Variants in CACNA1C observed in about 807,000 individuals in gnomAD.
The protein encoded by CACNA1C is voltage-dependent L-type calcium channel subunit alpha-1C.
In CACNA1C, 30 loss-of-function variants were observed where a neutral mutation model predicts 229.0. That is an observed-to-expected ratio of 0.13 (90% CI 0.10 to 0.18). CACNA1C has a LOEUF of 0.18. CACNA1C is among the 10% of genes least tolerant of loss of function. The probability of loss-of-function intolerance (pLI) is 1.00; values close to 1 mark genes in which losing one functional copy is unlikely to be tolerated. For synonymous variants in CACNA1C, 1,114 were observed against 1,132.5 expected (o/e 0.98, Z 0.33); for missense variants, 1,658 against 2,845.0 (o/e 0.58, Z 9.49).
chr12:2,305,062 T>C (rs2094905762), intron 3 of CACNA1C, among the ~76,000 whole-genome samples: 1 of 152,190 alleles, frequency 6.6e-6, no homozygotes, highest in African/African-American at 2.4e-5. Context: ...CTGGGAGGAC[T>C]GCTGGGCAGA....
intron 7 of CACNA1C, among the ~76,000 whole-genome samples, chr12:2,498,045 C>T (rs1291313491): frequency 6.6e-6 from 1 of 151,786 alleles, no homozygotes; most frequent in Non-Finnish European, 1.5e-5. Context: ...TGAAATATCC[C>T]TCGTTTATGA....
intron 1 of CACNA1C, chr12:2,004,277 C>T: frequency 6.2e-7 from 1 of 1,613,018 alleles, no homozygotes; most frequent in Non-Finnish European, 8.5e-7. Flanking sequence ...CGCGTCCGCA[C>T]GCACCCACTC....
chr12:2,456,585 C>G (rs1189956266), intron 4 of CACNA1C, among the ~76,000 whole-genome samples: 2 of 152,214 alleles, frequency 1.3e-5, no homozygotes, highest in African/African-American at 4.8e-5. Flanking sequence ...CCTTGGGCCC[C>G]TGGCTTACCT....
intron 3 of CACNA1C, among the ~76,000 whole-genome samples, chr12:2,211,854 G>A (rs1194903028): frequency 1.3e-5 from 2 of 151,812 alleles, no homozygotes; most frequent in Admixed American, 6.6e-5. Context: ...GAGTAGCTGG[G>A]ACTCCAGGCG....
At chr12:2,252,452 G>A (rs1040650936) in intron 3 of CACNA1C, among the ~76,000 whole-genome samples, 5 of 152,162 alleles carry the variant, frequency 3.3e-5, no homozygotes, top group Non-Finnish European at 4.4e-5. Flanking sequence ...GGAGGCCAAC[G>A]TGCTGAGTGG....
chr12:2,545,149 T>C (rs1049307128), intron 9 of CACNA1C, among the ~76,000 whole-genome samples: 1 of 152,044 alleles, frequency 6.6e-6, no homozygotes, highest in African/African-American at 2.4e-5. Flanking sequence ...ACATCACAAT[T>C]TGATTGAGAA....
chr12:2,651,879 T>C lies in CACNA1C; in HGVS notation c.4074+111T>C, dbSNP rs2095024115. 1.2e-6 allele frequency: 1 copy of C among 842,442 alleles called. No homozygotes were observed. Among genetic ancestry groups the C allele is most frequent in the South Asian group, 1.9e-5 (1 of 52,928 alleles). 52.2% of individuals were successfully genotyped at this position (842,442 alleles called of 1,614,324 possible). A position where few individuals can be genotyped will look rare whatever the true frequency, so the allele number is the denominator to read the frequency against. The stretch of plus-strand genomic sequence containing the variant: ...CACTCTGGGGCCCTGCTCCTTCCTC[T>C]GTGTGGCAGAACTCGGCCGCTCTGC... On this transcript the variant is annotated intron_variant, in intron 32 of 46. Transcript: ENST00000399655. The surrounding 1 kb of genome is among the most constrained non-coding windows in gnomAD (Gnocchi z 5.4).
chr12:2,279,313 T>C (rs1263174661), intron 3 of CACNA1C, among the ~76,000 whole-genome samples: 1 of 152,248 alleles, frequency 6.6e-6, no homozygotes, highest in Non-Finnish European at 1.5e-5. Flanking sequence ...ACTGCTTTGA[T>C]TACTATAGCT....
chr12:2,220,255 C>T (rs1004778594), intron 3 of CACNA1C, among the ~76,000 whole-genome samples: 2 of 152,306 alleles, frequency 1.3e-5, no homozygotes, highest in African/African-American at 4.8e-5. Flanking sequence ...ATCCATAGCT[C>T]TCTGAACCTC....
chr12:2,673,955 C>G (rs953946561), intron 38 of CACNA1C, among the ~76,000 whole-genome samples: 1 of 152,246 alleles, frequency 6.6e-6, no homozygotes, highest in Admixed American at 6.5e-5. Context: ...TCTGCCCTTA[C>G]AGCTGTAAGG....
intron 30 of CACNA1C, among the ~76,000 whole-genome samples, chr12:2,638,941 C>G (rs116820677): frequency 0.012 from 1,766 of 152,272 alleles, 33 homozygotes; most frequent in African/African-American, 0.039. Flanking sequence ...AAGATGGTAC[C>G]CAAAGCCCCG....
intron 9 of CACNA1C, among the ~76,000 whole-genome samples, chr12:2,533,132 G>C (rs1166095850): frequency 6.6e-6 from 1 of 152,190 alleles, no homozygotes; most frequent in Non-Finnish European, 1.5e-5. Flanking sequence ...GGGAGAGGCT[G>C]TTCAGTGGAA....
chr12:2,357,651 G>C (rs2097415224), intron 3 of CACNA1C, among the ~76,000 whole-genome samples: 1 of 141,610 alleles, frequency 7.1e-6, no homozygotes, highest in African/African-American at 2.8e-5. Flanking sequence ...TATTTGTTTG[G>C]GTTTTTTTTC....
intron 4 of CACNA1C, among the ~76,000 whole-genome samples, chr12:2,450,382 G>A (rs112236841): frequency 2.0e-3 from 306 of 151,474 alleles, no homozygotes; most frequent in Middle Eastern, 3.4e-3. Context: ...GTGAAACCCC[G>A]TCTCTACTAA....
intron 9 of CACNA1C, among the ~76,000 whole-genome samples, chr12:2,515,567 T>A (rs772115333): frequency 3.3e-5 from 5 of 152,344 alleles, no homozygotes; most frequent in Non-Finnish European, 7.3e-5. Flanking sequence ...AGTCATCTTT[T>A]AAGAGAAAAG....
At chr12:2,304,267 G>A (rs537911237) in intron 3 of CACNA1C, among the ~76,000 whole-genome samples, 68 of 152,264 alleles carry the variant, frequency 4.5e-4, no homozygotes, top group African/African-American at 1.5e-3. Context: ...GCTTGAGGAG[G>A]TGCACGGCCC....
At chr12:2,470,125 T>A (rs575161754) in intron 5 of CACNA1C, among the ~76,000 whole-genome samples, 80 of 152,156 alleles carry the variant, frequency 5.3e-4, no homozygotes, top group Non-Finnish European at 9.0e-4. Context: ...CAGCTCCCAA[T>A]ATAGTAAGCA....
At chr12:2,625,454 G>A (rs948326741) in intron 29 of CACNA1C, among the ~76,000 whole-genome samples, 2 of 152,190 alleles carry the variant, frequency 1.3e-5, no homozygotes, top group Non-Finnish European at 2.9e-5. Flanking sequence ...AGCCCGAGGT[G>A]CTGCCAGTGC....
intron 19 of CACNA1C, among the ~76,000 whole-genome samples, chr12:2,594,734 T>C (rs1020081390): frequency 4.6e-5 from 7 of 152,258 alleles, no homozygotes; most frequent in Non-Finnish European, 5.9e-5. Context: ...GCTTGTCCTT[T>C]TGTGCATCTG....
Sources: allele counts gnomAD v4.1 joint callset (sites outside exome capture counted in the v4.1 genomes callset), GRCh38; gene constraint gnomAD v4.1.1; non-coding constraint Gnocchi (gnomAD v3.1); transcripts MANE v1.5; gene names NCBI Gene and HGNC (gene_info 2026-07-23, HGNC 2026-07-21).